STK32B: variants seen among roughly 807,000 people sequenced by gnomAD.
The protein encoded by STK32B is serine/threonine-protein kinase 32B.
A neutral mutation model predicts 52.6 loss-of-function variants in STK32B; 43 were observed. The ratio of observed to expected loss-of-function variants is 0.82; its 90% CI spans 0.64 to 1.05. STK32B has a LOEUF of 1.05. Among genes scored for constraint, STK32B ranks in the 50% least tolerant of loss-of-function variants. The pLI, the probability that STK32B is intolerant of heterozygous loss-of-function variation, is 0.00. For synonymous variants in STK32B, 238 were observed against 204.3 expected (o/e 1.17, Z -1.41); for missense variants, 621 against 534.6 (o/e 1.16, Z -1.59).
chr4:5,173,595 T>C (rs543236893), intron 3 of STK32B, among the ~76,000 whole-genome samples: 78 of 152,336 alleles, frequency 5.1e-4, no homozygotes, highest in Middle Eastern at 3.4e-3. Context: ...TTGTTAAGTT[T>C]CCATGTAGTT....
the STK32B span, among the ~76,000 whole-genome samples, chr4:5,042,833 G>T: frequency 6.6e-6 from 1 of 152,090 alleles, no homozygotes; most frequent in Non-Finnish European, 1.5e-5. Flanking sequence ...GGGGCCGGGC[G>T]CGGTGGCTCA....
intron 3 of STK32B, among the ~76,000 whole-genome samples, chr4:5,254,565 A>G (rs972640280): frequency 6.6e-6 from 1 of 152,184 alleles, no homozygotes; most frequent in Non-Finnish European, 1.5e-5. Flanking sequence ...TTAATATGCC[A>G]TGTATTCATT....
intron 6 of STK32B, among the ~76,000 whole-genome samples, chr4:5,433,717 A>G (rs2109095434): frequency 6.6e-6 from 1 of 152,348 alleles, no homozygotes; most frequent in African/African-American, 2.4e-5. Context: ...TAGATGTTGA[A>G]TAGCATTTCA....
chr4:5,496,548 C>CCTGCTTCTGCTCGCGCCCGGTGCG (rs61698429), intron 11 of STK32B, among the ~76,000 whole-genome samples: 1 of 137,920 alleles, frequency 7.3e-6, no homozygotes, highest in African/African-American at 3.3e-5. Context: ...AATGCCTTGC[C>CCTGCTTCTGCTCGCGCCCGGTGCG]CTGCACCCAC....
chr4:5,252,547 C>T (rs545491102), intron 3 of STK32B, among the ~76,000 whole-genome samples: 1 of 152,266 alleles, frequency 6.6e-6, no homozygotes, highest in East Asian at 1.9e-4. Context: ...TCTGTGTCCT[C>T]CTCTTGTCCC....
intron 3 of STK32B, among the ~76,000 whole-genome samples, chr4:5,172,117 G>A (rs191790365): frequency 0.18 from 27,866 of 151,100 alleles, 3,233 homozygotes; most frequent in East Asian, 0.3. Flanking sequence ...TTTGTCTGTT[G>A]TTGGTGTATA....
At chr4:5,132,919 C>T (rs1319443784) in intron 1 of STK32B, among the ~76,000 whole-genome samples, 6 of 152,126 alleles carry the variant, frequency 3.9e-5, no homozygotes, top group Non-Finnish European at 8.8e-5. Flanking sequence ...CTGCCTCAGC[C>T]TCCCAAGTAG....
intron 3 of STK32B, among the ~76,000 whole-genome samples, chr4:5,235,306 T>C (rs1184370811): frequency 1.3e-5 from 2 of 152,176 alleles, no homozygotes; most frequent in Non-Finnish European, 2.9e-5. Flanking sequence ...CAAGAGCATG[T>C]TCTCAGGAAT....
At position 5,067,754 on chromosome 4, in the gene STK32B, G is replaced by A. The variant is rs559877710; in HGVS notation, c.52+15839G>A. Reference sequence around the variant, plus strand: ...AATAAAAGAGGTCTAATTGGCTCATGGTTCTGCAGGCTGTACAGGAAGCAT... The same window carrying A: ...AATAAAAGAGGTCTAATTGGCTCATAGTTCTGCAGGCTGTACAGGAAGCAT... On this transcript the variant is annotated intron_variant, in intron 1 of 11. Coordinates refer to ENST00000282908, the MANE Select transcript of STK32B (RefSeq NM_018401.3). 2.6e-5 allele frequency among the ~76,000 whole-genome samples: 4 copies of A among 152,234 alleles called. No individual in the cohort carries two copies. The East Asian group carries it at 7.7e-4, about 29-fold the overall frequency.
chr4:5,105,018 G>A (rs1446721711), intron 1 of STK32B, among the ~76,000 whole-genome samples: 1 of 152,210 alleles, frequency 6.6e-6, no homozygotes, highest in Non-Finnish European at 1.5e-5. Flanking sequence ...ATTATCTAAA[G>A]CAGTTGCAGG....
chr4:5,405,490 G>A (rs947662240), intron 5 of STK32B, among the ~76,000 whole-genome samples: 17 of 152,130 alleles, frequency 1.1e-4, no homozygotes, highest in African/African-American at 3.4e-4. Context: ...TAGGAGGTGC[G>A]GCTGTGTTAG....
At chr4:5,220,222 C>G (rs1236025092) in intron 3 of STK32B, among the ~76,000 whole-genome samples, 3 of 152,210 alleles carry the variant, frequency 2.0e-5, no homozygotes, top group African/African-American at 7.2e-5. Flanking sequence ...GAAGCATTCA[C>G]TCCGCTTTAC....
chr4:5,291,643 TTC>T (rs957091286), intron 3 of STK32B, among the ~76,000 whole-genome samples: 34 of 152,140 alleles, frequency 2.2e-4, no homozygotes, highest in African/African-American at 6.5e-4. Flanking sequence ...TTTTATTTAT[TTC>T]TCTTTCCTAT....
At position 5,052,013 on chromosome 4, in the gene STK32B, CG is replaced by C. The variant is rs921957215; in HGVS notation, c.52+102del. 8 of 1,516,562 alleles carry C rather than the reference CG, an allele frequency of 5.3e-6. No individual in the cohort carries two copies. In the African/African-American group the frequency reaches 8.4e-5, roughly 16 times the overall value. 93.9% of individuals were successfully genotyped at this position (1,516,562 alleles called of 1,614,324 possible). A position where few individuals can be genotyped will look rare whatever the true frequency, so the allele number is the denominator to read the frequency against. On this transcript the variant is annotated intron_variant, in intron 1 of 11. Coordinates refer to ENST00000282908, the MANE Select transcript of STK32B (RefSeq NM_018401.3). ...GCGGGGCACCGCATGCTGCCCGGCG[CG>C]GGGACCCAGGCATGGCCACTTCGCC...
At chr4:5,149,103 G>A (rs1021241916) in intron 2 of STK32B, among the ~76,000 whole-genome samples, 1 of 151,644 alleles carries the variant, frequency 6.6e-6, no homozygotes, top group Non-Finnish European at 1.5e-5. Context: ...GTGTAAAGTT[G>A]GTGTTACTTT....
chr4:5,236,333 T>G (rs1043335074), intron 3 of STK32B, among the ~76,000 whole-genome samples: 1 of 151,912 alleles, frequency 6.6e-6, no homozygotes, highest in African/African-American at 2.4e-5. Context: ...ATAGCCTTTG[T>G]TCTTTTTTTT....
At chr4:5,334,873 G>T (rs903691183) in intron 4 of STK32B, among the ~76,000 whole-genome samples, 14 of 152,026 alleles carry the variant, frequency 9.2e-5, no homozygotes, top group African/African-American at 2.2e-4. Context: ...GCTGGATTCG[G>T]TTTGCCAGTA....
intron 7 of STK32B, among the ~76,000 whole-genome samples, chr4:5,451,669 G>A (rs1304414107): frequency 3.3e-5 from 5 of 152,072 alleles, no homozygotes; most frequent in African/African-American, 9.7e-5. Context: ...TTTGTGGTGC[G>A]GGACTGTCCT....
At chr4:5,326,599 C>T (rs907435032) in intron 3 of STK32B, among the ~76,000 whole-genome samples, 5 of 152,110 alleles carry the variant, frequency 3.3e-5, no homozygotes, top group African/African-American at 1.2e-4. Context: ...ACACTGTATT[C>T]AGTGTGCAAC....
Sources: allele counts gnomAD v4.1 joint callset (sites outside exome capture counted in the v4.1 genomes callset), GRCh38; gene constraint gnomAD v4.1.1; transcripts MANE v1.5; gene names NCBI Gene and HGNC (gene_info 2026-07-23, HGNC 2026-07-21).